Variants in TBC1D12 observed in about 807,000 individuals in gnomAD.
TBC1D12 encodes the protein TBC1 domain family member 12.
TBC1D12 carries 56 observed loss-of-function variants against 86.7 expected under a neutral mutation model. The ratio of observed to expected loss-of-function variants is 0.65; its 90% CI spans 0.52 to 0.81. The LOEUF (loss-of-function observed/expected upper bound fraction) is 0.81. TBC1D12 is among the 30% of genes least tolerant of loss of function. TBC1D12 has a pLI of 0.00. For missense variants in TBC1D12, 1,023 were observed against 1,038.8 expected, an observed-to-expected ratio of 0.98 and a Z score of 0.21; for synonymous variants, 421 against 411.7, an observed-to-expected ratio of 1.02 and a Z score of -0.27.
intron 8 of TBC1D12, among the ~76,000 whole-genome samples, chr10:94,510,825 T>A (rs111702578): frequency 1.5e-3 from 228 of 152,284 alleles, no homozygotes; most frequent in African/African-American, 5.2e-3. Context: ...CAAGTCTTTA[T>A]ACATGGAATT....
intron 1 of TBC1D12, among the ~76,000 whole-genome samples, chr10:94,421,940 A>G (rs184647904): frequency 1.3e-5 from 2 of 152,324 alleles, no homozygotes; most frequent in Non-Finnish European, 2.9e-5. Context: ...CCCTTATCAG[A>G]TAAATGATTT....
At chr10:94,488,564 G>A (rs2056202642) in intron 3 of TBC1D12, among the ~76,000 whole-genome samples, 1 of 150,240 alleles carries the variant, frequency 6.7e-6, no homozygotes, top group African/African-American at 2.4e-5. Context: ...CTAATTTTTT[G>A]TATTTTTGGT....
At chr10:94,501,134 A>G (rs961445877) in intron 6 of TBC1D12, among the ~76,000 whole-genome samples, 13 of 151,528 alleles carry the variant, frequency 8.6e-5, no homozygotes, top group Non-Finnish European at 1.6e-4. Flanking sequence ...TTTAAAGTTT[A>G]TAACTTGATT....
intron 2 of TBC1D12, among the ~76,000 whole-genome samples, chr10:94,467,315 C>A (rs558434292): frequency 1.3e-5 from 2 of 152,240 alleles, no homozygotes; most frequent in African/African-American, 4.8e-5. Context: ...TCACTGCAAC[C>A]TTTGCCTCCT....
intron 1 of TBC1D12, among the ~76,000 whole-genome samples, chr10:94,406,486 G>A (rs2054855446): frequency 1.3e-5 from 2 of 152,180 alleles, no homozygotes; most frequent in African/African-American, 4.8e-5. Context: ...ACACCTTAAA[G>A]GCAGGAACTG....
intron 11 of TBC1D12, among the ~76,000 whole-genome samples, chr10:94,523,638 C>T (rs1210386098): frequency 6.6e-6 from 1 of 152,010 alleles, no homozygotes; most frequent in Non-Finnish European, 1.5e-5. Flanking sequence ...TACTGTTCCA[C>T]ACACAATTTT....
chr10:94,476,210 G>A (rs1175986213), intron 3 of TBC1D12, among the ~76,000 whole-genome samples: 1 of 151,492 alleles, frequency 6.6e-6, no homozygotes. Context: ...TTCCTGATGA[G>A]CATAATAAAA....
intron 3 of TBC1D12, among the ~76,000 whole-genome samples, chr10:94,484,276 C>T (rs56666225): frequency 0.047 from 6,879 of 145,416 alleles, 527 homozygotes; most frequent in African/African-American, 0.16. Flanking sequence ...GGTGGAGTTT[C>T]GCTCTTGTTG....
At chr10:94,502,104 G>A (rs539548006) in intron 6 of TBC1D12, among the ~76,000 whole-genome samples, 3 of 151,986 alleles carry the variant, frequency 2.0e-5, no homozygotes, top group East Asian at 2.0e-4. Context: ...AGGCCAACGC[G>A]GGTGGATCAA....
intron 1 of TBC1D12, among the ~76,000 whole-genome samples, chr10:94,431,015 A>C (rs1279526499): frequency 1.3e-5 from 2 of 152,140 alleles, no homozygotes; most frequent in Non-Finnish European, 2.9e-5. Context: ...CATGGTATTT[A>C]TATAGTGTTG....
chr10:94,476,495 A>G (rs1478909499), intron 3 of TBC1D12, among the ~76,000 whole-genome samples: 1 of 152,202 alleles, frequency 6.6e-6, no homozygotes, highest in African/African-American at 2.4e-5. Context: ...GGCCAATTCA[A>G]AGATTCCTTT....
chr10:94,470,690 C>CTTTTTTTTTTTTTTT (rs35586245), intron 2 of TBC1D12, among the ~76,000 whole-genome samples: 3 of 105,814 alleles, frequency 2.8e-5, no homozygotes, highest in African/African-American at 1.0e-4. Context: ...ATTTGTAATT[C>CTTTTTTTTTTTTTTT]TTTTTTTTTT....
At chr10:94,440,416 A>G (rs1164623931) in intron 1 of TBC1D12, among the ~76,000 whole-genome samples, 1 of 151,882 alleles carries the variant, frequency 6.6e-6, no homozygotes, top group Non-Finnish European at 1.5e-5. Context: ...GGCTCAAGTG[A>G]TCCTTTTGCT....
chr10:94,506,803 G>A (rs2056465892), intron 6 of TBC1D12, among the ~76,000 whole-genome samples: 1 of 152,172 alleles, frequency 6.6e-6, no homozygotes, highest in South Asian at 2.1e-4. Context: ...GCTATGAGGT[G>A]CCAGGAGCTT....
chr10:94,510,277 C>A, intron 8 of TBC1D12, 98 bp downstream of exon 8: 2 of 761,884 alleles, frequency 2.6e-6, no homozygotes, highest in South Asian at 4.6e-5. Flanking sequence ...TTAAAAAAGG[C>A]AAAACTATAG....
chr10:94,497,565 G>T (rs1262151351), intron 5 of TBC1D12, among the ~76,000 whole-genome samples: 4 of 143,050 alleles, frequency 2.8e-5, no homozygotes, highest in Non-Finnish European at 6.0e-5. Context: ...TGTCACCCAG[G>T]CTGGAGTGCA....
At chr10:94,430,008 T>C (rs1564942429) in intron 1 of TBC1D12, among the ~76,000 whole-genome samples, 1 of 152,132 alleles carries the variant, frequency 6.6e-6, no homozygotes, top group African/African-American at 2.4e-5. Flanking sequence ...AGTGCTGGTA[T>C]TACAGGTGTG....
intron 1 of TBC1D12, among the ~76,000 whole-genome samples, chr10:94,440,567 T>G (rs1240235696): frequency 6.6e-6 from 1 of 152,212 alleles, no homozygotes; most frequent in African/African-American, 2.4e-5. Context: ...ATCACTAATC[T>G]GCACTTTTAA....
chr10:94,445,028 G>A (rs1364992957), intron 2 of TBC1D12, among the ~76,000 whole-genome samples: 3 of 133,886 alleles, frequency 2.2e-5, no homozygotes, highest in Non-Finnish European at 4.7e-5. Context: ...CACCGCGCCC[G>A]GCCCCTCACA....
Sources: gnomAD v4.1 joint callset for allele counts (sites outside exome capture counted in the v4.1 genomes callset) on GRCh38, gnomAD v4.1.1 for gene constraint, MANE v1.5 for transcripts, NCBI Gene and HGNC (gene_info 2026-07-23, HGNC 2026-07-21) for gene names.